Variants in SORBS2 observed in about 807,000 individuals in gnomAD.
SORBS2 encodes sorbin and SH3 domain containing 2.
In SORBS2, 46 loss-of-function variants were observed where a neutral mutation model predicts 97.7. The ratio of observed to expected loss-of-function variants is 0.47; its 90% CI spans 0.37 to 0.60. SORBS2 has a LOEUF of 0.60. Among genes scored for constraint, SORBS2 ranks in the 20% least tolerant of loss-of-function variants. The probability of loss-of-function intolerance (pLI) is 0.00; values close to 1 mark genes in which losing one functional copy is unlikely to be tolerated. For synonymous variants in SORBS2, 476 were observed against 473.4 expected (o/e 1.01, Z -0.07); for missense variants, 1,316 against 1,282.3 (o/e 1.03, Z -0.40).
intron 1 of SORBS2, among the ~76,000 whole-genome samples, chr4:185,881,942 CTTAA>C (rs1023606151): frequency 3.9e-5 from 6 of 151,938 alleles, no homozygotes; most frequent in Non-Finnish European, 7.4e-5. Flanking sequence ...AGTATAATTC[CTTAA>C]TTATTTTCAA....
At chr4:185,748,334 G>A (rs1376994588) in intron 2 of SORBS2, among the ~76,000 whole-genome samples, 3 of 152,180 alleles carry the variant, frequency 2.0e-5, no homozygotes, top group South Asian at 2.1e-4. Flanking sequence ...ATTCTTCAGG[G>A]AGAATTTTCA....
intron 1 of SORBS2, among the ~76,000 whole-genome samples, chr4:185,929,210 A>C (rs2099265235): frequency 6.6e-6 from 1 of 152,182 alleles, no homozygotes; most frequent in African/African-American, 2.4e-5. Context: ...AGCACCTCAC[A>C]AGATTTCTGG....
intron 1 of SORBS2, among the ~76,000 whole-genome samples, chr4:185,887,146 C>T (rs987703869): frequency 6.6e-6 from 1 of 152,156 alleles, no homozygotes; most frequent in Non-Finnish European, 1.5e-5. Flanking sequence ...GGTCCACGAG[C>T]CCATATAATA....
rs530940451 is a variant in SORBS2, at chr4:185,768,306, T to C, written c.-198+6921A>G. On this transcript the variant is annotated intron_variant, in intron 2 of 20. Coordinates refer to the SORBS2 transcript ENST00000284776. ...AAATAATGCACAATGTTCTCACGTC[T>C]ATTTAAGGAAGAAACAACTGATTTC... Among the ~76,000 whole-genome samples, 17 of 152,318 alleles carry C rather than the reference T, an allele frequency of 1.1e-4. No homozygotes were observed. The South Asian group carries it at 3.1e-3, about 28-fold the overall frequency.
At chr4:185,853,791 G>A (rs1452548533) in intron 1 of SORBS2, among the ~76,000 whole-genome samples, 1 of 152,128 alleles carries the variant, frequency 6.6e-6, no homozygotes, top group Non-Finnish European at 1.5e-5. Flanking sequence ...CTAAGAACCT[G>A]GAATGAGTTT....
At chr4:185,861,457 G>T (rs2099223695) in intron 1 of SORBS2, among the ~76,000 whole-genome samples, 1 of 152,030 alleles carries the variant, frequency 6.6e-6, no homozygotes, top group Non-Finnish European at 1.5e-5. Flanking sequence ...TAGGTGGGAG[G>T]ACAGGAAGGA....
chr4:185,642,154 A>T (rs2097137017), intron 4 of SORBS2, among the ~76,000 whole-genome samples: 1 of 152,202 alleles, frequency 6.6e-6, no homozygotes, highest in African/African-American at 2.4e-5. Flanking sequence ...GATAATTCTT[A>T]ATGGTCATCA....
At chr4:185,805,069 C>T (rs2099147386) in intron 1 of SORBS2, among the ~76,000 whole-genome samples, 1 of 152,022 alleles carries the variant, frequency 6.6e-6, no homozygotes, top group African/African-American at 2.4e-5. Flanking sequence ...ATGAATGTGA[C>T]TGTACCAAGA....
chr4:185,856,687 G>A (rs376066296), intron 1 of SORBS2, among the ~76,000 whole-genome samples: 2 of 152,266 alleles, frequency 1.3e-5, no homozygotes, highest in African/African-American at 4.8e-5. Context: ...TGGAGATGGG[G>A]CCTTTGGGAA....
chr4:185,722,181 A>G (rs891718764), intron 2 of SORBS2, among the ~76,000 whole-genome samples: 8 of 152,236 alleles, frequency 5.3e-5, no homozygotes, highest in Non-Finnish European at 1.2e-4. Context: ...TGAAACGGCT[A>G]TGATCACGTA....
intron 4 of SORBS2, among the ~76,000 whole-genome samples, chr4:185,662,488 C>A (rs1458159548): frequency 6.6e-6 from 1 of 152,162 alleles, no homozygotes; most frequent in Non-Finnish European, 1.5e-5. Context: ...ATGAAAGTGG[C>A]TGACTAGTGG....
chr4:185,731,906 ATATG>A (rs199886377), intron 2 of SORBS2, among the ~76,000 whole-genome samples: 1,109 of 78,246 alleles, frequency 0.014, 27 homozygotes, highest in Non-Finnish European at 0.017. Flanking sequence ...ATATATATAT[ATATG>A]TCTGTTTCTC....
chr4:185,904,609 G>T (rs1422407383), intron 1 of SORBS2, among the ~76,000 whole-genome samples: 1 of 152,224 alleles, frequency 6.6e-6, no homozygotes, highest in African/African-American at 2.4e-5. Context: ...AGTGCATGCC[G>T]CACAATGACA....
chr4:185,641,210 T>C (rs2097121192), intron 4 of SORBS2, among the ~76,000 whole-genome samples: 1 of 152,180 alleles, frequency 6.6e-6, no homozygotes, highest in South Asian at 2.1e-4. Flanking sequence ...CCATGAATTA[T>C]GCTTTTGTTT....
intron 2 of SORBS2, among the ~76,000 whole-genome samples, chr4:185,688,258 TACTTA>T (rs1327978961): frequency 6.6e-6 from 1 of 152,154 alleles, no homozygotes; most frequent in African/African-American, 2.4e-5. Context: ...TAAAAGCAAA[TACTTA>T]ACTTAAAAGA....
chr4:185,894,044 G>C (rs141564939), intron 1 of SORBS2, among the ~76,000 whole-genome samples: 1 of 152,188 alleles, frequency 6.6e-6, no homozygotes, highest in Non-Finnish European at 1.5e-5. Context: ...CCTCACAAAG[G>C]ACAGCTTTTC....
At position 185,623,966 on chromosome 4, in the gene SORBS2, T is replaced by A. The variant is rs1250007013; in HGVS notation, c.1163A>T (p.Gln388Leu). 6.2e-7 allele frequency: 1 copy of A among 1,614,240 alleles called. No individual in the cohort carries two copies. Among genetic ancestry groups the A allele is most frequent in the East Asian group, 2.2e-5 (1 of 44,876 alleles). ...GGCGCGCAGCAGGTCCTTGTGCTGC[T>A]GCTCGCTCTCGTACTGCAGAATCCT... The change falls in exon 7 of 15, where the codon CAG becomes CTG. Residue 388 changes from glutamine (Q) to leucine (L), a missense_variant. Gln to Leu is a moderately radical substitution (Grantham distance 113). Transcript: ENST00000418609. This position sits in a 1 kb window ranked among gnomAD's most constrained non-coding sequence, Gnocchi z 6.4.
intron 1 of SORBS2, among the ~76,000 whole-genome samples, chr4:185,929,268 C>T (rs1175321851): frequency 6.6e-6 from 1 of 152,130 alleles, no homozygotes. Flanking sequence ...ACCCAGGCTT[C>T]CACAAGCGCT....
upstream of SORBS2, among the ~76,000 whole-genome samples, chr4:185,661,231 G>A (rs918031575): frequency 4.7e-5 from 7 of 149,926 alleles, no homozygotes; most frequent in South Asian, 2.1e-4. Flanking sequence ...AGCCGAGATC[G>A]CCCCATTGCA....
Sources: allele counts gnomAD v4.1 joint callset (sites outside exome capture counted in the v4.1 genomes callset), GRCh38; gene constraint gnomAD v4.1.1; non-coding constraint Gnocchi (gnomAD v3.1); transcripts MANE v1.5; gene names NCBI Gene and HGNC (gene_info 2026-07-23, HGNC 2026-07-21).